CNBD1: variants seen among roughly 807,000 people sequenced by gnomAD.
The protein encoded by CNBD1 is cyclic nucleotide binding domain containing 1, also known as cyclic nucleotide-binding domain-containing protein 1.
CNBD1 carries 71 observed loss-of-function variants against 54.4 expected under a neutral mutation model. The ratio of observed to expected loss-of-function variants is 1.30; its 90% CI spans 1.08 to 1.59. CNBD1 has a LOEUF of 1.59. Ranked by LOEUF, CNBD1 falls within the 40% of genes most tolerant of loss-of-function variation. The pLI is 0.00. For synonymous variants in CNBD1, 182 were observed against 170.7 expected, an observed-to-expected ratio of 1.07 and a Z score of -0.51; for missense variants, 659 against 518.0, an observed-to-expected ratio of 1.27 and a Z score of -2.64.
chr8:87,351,868 A>T (rs933246106), intron 9 of CNBD1, 74 bp downstream of exon 9: 1 of 1,259,954 alleles, frequency 7.9e-7, no homozygotes, highest in African/African-American at 1.6e-5. Flanking sequence ...CTTTTCATGT[A>T]CTTACTAGAC....
chr8:86,882,931 A>G, intron 1 of CNBD1, among the ~76,000 whole-genome samples: 1 of 152,158 alleles, frequency 6.6e-6, no homozygotes, highest in East Asian at 1.9e-4. Flanking sequence ...CAGAACACCA[A>G]ATACCACGTG....
chr8:87,302,192 G>A (rs950588255), intron 8 of CNBD1, among the ~76,000 whole-genome samples: 4 of 152,006 alleles, frequency 2.6e-5, no homozygotes, highest in African/African-American at 9.7e-5. Flanking sequence ...CAAAAAAAGA[G>A]AATTTTAGAC....
At chr8:87,332,516 T>C (rs2130911484) in intron 8 of CNBD1, among the ~76,000 whole-genome samples, 1 of 152,330 alleles carries the variant, frequency 6.6e-6, no homozygotes, top group East Asian at 1.9e-4. Context: ...GTTTGGAGTT[T>C]TACATTTAAG....
At chr8:86,887,659 T>C (rs752847169) in intron 2 of CNBD1, 48 bp downstream of exon 2, 6 of 1,335,558 alleles carry the variant, frequency 4.5e-6, no homozygotes, top group Non-Finnish European at 6.3e-6. Context: ...TGAATATGAG[T>C]ATTTTTGTTT....
At chr8:87,408,142 A>G (rs1807681071) in intron 2 of CNBD1, among the ~76,000 whole-genome samples, 1 of 151,782 alleles carries the variant, frequency 6.6e-6, no homozygotes, top group South Asian at 2.1e-4. Flanking sequence ...CCTTAACATT[A>G]TTTTCTATGG....
chr8:86,933,107 G>A (rs1031018333), intron 3 of CNBD1, among the ~76,000 whole-genome samples: 1 of 152,126 alleles, frequency 6.6e-6, no homozygotes, highest in African/African-American at 2.4e-5. Flanking sequence ...GAAGAGTGAT[G>A]CCTTTTGTCC....
intron 4 of CNBD1, among the ~76,000 whole-genome samples, chr8:87,036,886 C>T (rs1809961675): frequency 6.6e-6 from 1 of 152,158 alleles, no homozygotes; most frequent in South Asian, 2.1e-4. Flanking sequence ...TGTTACACAG[C>T]TGTCATCCTA....
chr8:87,306,448 G>T (rs72666851), intron 8 of CNBD1, among the ~76,000 whole-genome samples: 14,914 of 152,148 alleles, frequency 0.098, 746 homozygotes, highest in African/African-American at 0.11. Flanking sequence ...ATTTGCACAC[G>T]CATGTTTGTA....
chr8:87,413,345 G>T (rs1295471193), intron 2 of CNBD1, among the ~76,000 whole-genome samples: 1 of 151,996 alleles, frequency 6.6e-6, no homozygotes. Flanking sequence ...GTTTTAAAAT[G>T]ATTCAAGTCT....
chr8:87,251,564 TACA>T (rs1310852939), intron 6 of CNBD1, among the ~76,000 whole-genome samples: 1 of 139,404 alleles, frequency 7.2e-6, no homozygotes, highest in Non-Finnish European at 1.5e-5. Context: ...CTCCAGCCTG[TACA>T]ACAAGAGCGA....
intron 4 of CNBD1, among the ~76,000 whole-genome samples, chr8:86,982,400 C>T (rs76791738): frequency 0.021 from 3,256 of 152,194 alleles, 118 homozygotes; most frequent in African/African-American, 0.068. Context: ...TCTTATATTT[C>T]ATTCTAGAGA....
At chr8:87,389,293 A>G (rs959061757) in intron 2 of CNBD1, among the ~76,000 whole-genome samples, 9 of 152,180 alleles carry the variant, frequency 5.9e-5, no homozygotes, top group Non-Finnish European at 7.3e-5. Flanking sequence ...TTCAATTAGG[A>G]AAAGAGGAAG....
At chr8:87,217,929 G>A (rs1176893690) in intron 5 of CNBD1, among the ~76,000 whole-genome samples, 2 of 152,064 alleles carry the variant, frequency 1.3e-5, no homozygotes, top group Non-Finnish European at 2.9e-5. Flanking sequence ...GTTTGTTTTA[G>A]TAGAAGGGCG....
intron 4 of CNBD1, among the ~76,000 whole-genome samples, chr8:86,958,870 T>C (rs1434295516): frequency 1.3e-5 from 2 of 152,228 alleles, no homozygotes; most frequent in African/African-American, 4.8e-5. Flanking sequence ...ATCCTGTCAT[T>C]ATGATATTAG....
chr8:86,926,827 G>A (rs1453888261), intron 3 of CNBD1, among the ~76,000 whole-genome samples: 6 of 152,154 alleles, frequency 3.9e-5, no homozygotes, highest in Non-Finnish European at 7.4e-5. Flanking sequence ...AGAGTGTGTG[G>A]TAGTAGGATA....
At chr8:87,174,094 G>A (rs1813148508) in intron 4 of CNBD1, among the ~76,000 whole-genome samples, 1 of 151,978 alleles carries the variant, frequency 6.6e-6, no homozygotes, top group Non-Finnish European at 1.5e-5. Context: ...GAGTGGCTGG[G>A]ACTATAGGCG....
intron 6 of CNBD1, among the ~76,000 whole-genome samples, chr8:87,283,526 G>T (rs1215545871): frequency 2.6e-5 from 4 of 151,964 alleles, no homozygotes; most frequent in Non-Finnish European, 5.9e-5. Context: ...TGTGTACCAG[G>T]CTTTTTATTG....
intron 1 of CNBD1, among the ~76,000 whole-genome samples, chr8:86,869,845 CTTATT>C (rs1808416887): frequency 6.6e-6 from 1 of 152,002 alleles, no homozygotes; most frequent in African/African-American, 2.4e-5. Flanking sequence ...AAAAAAAATT[CTTATT>C]TTAAAAAATT....
intron 6 of CNBD1, among the ~76,000 whole-genome samples, chr8:87,275,661 A>C (rs1196516795): frequency 6.6e-6 from 1 of 151,676 alleles, no homozygotes; most frequent in East Asian, 1.9e-4. Flanking sequence ...GAAAACTGGC[A>C]CAAGACAGGG....
Sources: allele counts gnomAD v4.1 joint callset (sites outside exome capture counted in the v4.1 genomes callset), GRCh38; gene constraint gnomAD v4.1.1; transcripts MANE v1.5; gene names NCBI Gene and HGNC (gene_info 2026-07-23, HGNC 2026-07-21).